UBE2G1: variants seen among roughly 807,000 people sequenced by gnomAD.
The protein encoded by UBE2G1 is ubiquitin-conjugating enzyme E2 G1.
A neutral mutation model predicts 22.7 loss-of-function variants in UBE2G1; 5 were observed. The ratio of observed to expected loss-of-function variants is 0.22; its 90% CI spans 0.12 to 0.46. The LOEUF is 0.46. Among genes scored for constraint, UBE2G1 ranks in the 20% least tolerant of loss-of-function variants. UBE2G1 has a pLI of 0.99. For missense variants in UBE2G1, 88 were observed against 203.9 expected (o/e 0.43, Z 3.46); for synonymous variants, 74 against 67.5 (o/e 1.10, Z -0.47).
chr17:4,294,415 CAAAAAAAAAAAAAAA>C (rs68047533), intron 3 of UBE2G1, among the ~76,000 whole-genome samples: 79,703 of 117,292 alleles, frequency 0.68, 25,436 homozygotes, highest in East Asian at 0.84. Flanking sequence ...GACTCCGTCT[CAAAAAAAAAAAAAAA>C]AAAAAAAAAA....
chr17:4,329,769 A>G (rs1380382565), intron 1 of UBE2G1, among the ~76,000 whole-genome samples: 1 of 151,972 alleles, frequency 6.6e-6, no homozygotes, highest in Non-Finnish European at 1.5e-5. Flanking sequence ...TCTTTCCAGT[A>G]TAACTTTTTC....
At chr17:4,343,135 T>C (rs1969729911) in intron 1 of UBE2G1, among the ~76,000 whole-genome samples, 1 of 152,228 alleles carries the variant, frequency 6.6e-6, no homozygotes, top group African/African-American at 2.4e-5. Flanking sequence ...TCCTGTTCTT[T>C]AATGTACTGC....
chr17:4,307,230 T>A, intron 1 of UBE2G1, 107 bp from the exon 2 acceptor site: 1 of 922,832 alleles, frequency 1.1e-6, no homozygotes, highest in Non-Finnish European at 1.7e-6. Flanking sequence ...TTTAAACCAT[T>A]AAATAGATAT....
chr17:4,358,028 A>C (rs1969927172), intron 1 of UBE2G1, among the ~76,000 whole-genome samples: 1 of 152,104 alleles, frequency 6.6e-6, no homozygotes, highest in African/African-American at 2.4e-5. Context: ...GCTGTTTTCT[A>C]TCTATAGTGG....
intron 1 of UBE2G1, among the ~76,000 whole-genome samples, chr17:4,356,995 A>G (rs1357971894): frequency 6.6e-6 from 1 of 152,204 alleles, no homozygotes; most frequent in Non-Finnish European, 1.5e-5. Context: ...AACACCCTGT[A>G]TAACTCTAGC....
At chr17:4,327,038 G>A in intron 1 of UBE2G1, among the ~76,000 whole-genome samples, 1 of 152,116 alleles carries the variant, frequency 6.6e-6, no homozygotes, top group East Asian at 1.9e-4. Flanking sequence ...GCTCACGCCT[G>A]TAATCCCAGT....
intron 1 of UBE2G1, among the ~76,000 whole-genome samples, chr17:4,353,462 T>TACAC (rs150917099): frequency 8.9e-4 from 132 of 148,190 alleles, no homozygotes; most frequent in African/African-American, 3.1e-3. Context: ...TATATATATA[T>TACAC]ACACACACAC....
chr17:4,349,225 C>G (rs901533427), intron 1 of UBE2G1, among the ~76,000 whole-genome samples: 1 of 152,090 alleles, frequency 6.6e-6, no homozygotes, highest in Non-Finnish European at 1.5e-5. Flanking sequence ...GATGCTGAGG[C>G]AGGAGAATTG....
At chr17:4,335,335 A>G (rs1231255615) in intron 1 of UBE2G1, 1 of 152,134 alleles carries the variant, frequency 6.6e-6, no homozygotes. Context: ...CTACAAAGGG[A>G]AAAAAACAGT....
At chr17:4,282,973 A>C in intron 4 of UBE2G1, 52 bp from the exon 5 acceptor site, 1 of 1,357,324 alleles carries the variant, frequency 7.4e-7, no homozygotes, top group Non-Finnish European at 1.0e-6. Context: ...TCCCCTTTAT[A>C]ATCTCAAATA....
At chr17:4,339,493 G>A (rs1238799867) in intron 1 of UBE2G1, among the ~76,000 whole-genome samples, 2 of 151,994 alleles carry the variant, frequency 1.3e-5, no homozygotes, top group African/African-American at 2.4e-5. Flanking sequence ...TAGTAGAGAC[G>A]GGGTTTCAGC....
At position 4,271,208 on chromosome 17, in the gene UBE2G1, C is replaced by T. The variant is rs868152973; in HGVS notation, c.*1346G>A. 6.6e-6 allele frequency: 1 copy of T among 152,628 alleles called. No homozygotes were observed. The highest frequency in any genetic ancestry group is 2.1e-4 in the South Asian group (1 of 4,826). The allele number at this position is 152,628 out of a possible 1,614,324, so 9.5% of individuals were successfully genotyped here. ...CATCCAAGTGTACTATTGTTAGTGA[C>T]GGGATCTATACGTCAAATAGCAAAG... On this transcript the variant is annotated 3_prime_UTR_variant, in exon 6 of 6. Coordinates refer to ENST00000396981, the MANE Select transcript of UBE2G1 (RefSeq NM_003342.5).
chr17:4,356,392 G>A (rs1035200711), intron 1 of UBE2G1, among the ~76,000 whole-genome samples: 6 of 152,036 alleles, frequency 3.9e-5, no homozygotes, highest in Admixed American at 1.3e-4. Flanking sequence ...AATAAAAAAC[G>A]TTGTTTACAT....
intron 1 of UBE2G1, among the ~76,000 whole-genome samples, chr17:4,353,746 G>A (rs772228778): frequency 5.3e-5 from 8 of 151,476 alleles, no homozygotes; most frequent in Admixed American, 1.3e-4. Flanking sequence ...TCCTGACCTC[G>A]TGATCCACCT....
At chr17:4,283,037 T>C in intron 4 of UBE2G1, 116 bp from the exon 5 acceptor site, 1 of 861,034 alleles carries the variant, frequency 1.2e-6, no homozygotes, top group Non-Finnish European at 1.8e-6. Flanking sequence ...TCAGAAACAT[T>C]ATAGAGTTGA....
chr17:4,332,477 GA>G (rs1045487851), intron 1 of UBE2G1, among the ~76,000 whole-genome samples: 4 of 152,224 alleles, frequency 2.6e-5, no homozygotes, highest in African/African-American at 9.6e-5. Flanking sequence ...AGTAATCCTG[GA>G]AAAATGTGAG....
At chr17:4,289,057 C>A (rs920127831) in intron 4 of UBE2G1, among the ~76,000 whole-genome samples, 173 bp downstream of exon 4, 2 of 151,430 alleles carry the variant, frequency 1.3e-5, no homozygotes, top group Admixed American at 6.6e-5. Context: ...AAAATAAATA[C>A]GTAAATAAAT....
intron 1 of UBE2G1, among the ~76,000 whole-genome samples, chr17:4,350,581 A>C (rs189293167): frequency 6.6e-6 from 1 of 150,816 alleles, no homozygotes; most frequent in Admixed American, 6.5e-5. Flanking sequence ...CTCCAAATTA[A>C]ACTAATTGTA....
At chr17:4,356,807 G>A (rs144990898) in intron 1 of UBE2G1, among the ~76,000 whole-genome samples, 60 of 152,320 alleles carry the variant, frequency 3.9e-4, no homozygotes, top group African/African-American at 1.3e-3. Context: ...GAGCAACCAT[G>A]TAGTTGTATT....
Sources: allele counts gnomAD v4.1 joint callset (sites outside exome capture counted in the v4.1 genomes callset), GRCh38; gene constraint gnomAD v4.1.1; transcripts MANE v1.5; gene names NCBI Gene and HGNC (gene_info 2026-07-23, HGNC 2026-07-21).